AMPD2: variants seen among roughly 807,000 people sequenced by gnomAD.
The protein encoded by AMPD2 is AMP deaminase 2.
AMPD2 carries 52 observed loss-of-function variants against 91.3 expected under a neutral mutation model. The ratio of observed to expected loss-of-function variants is 0.57; its 90% CI spans 0.46 to 0.72. AMPD2 has a LOEUF of 0.72. Among genes scored for constraint, AMPD2 ranks in the 30% least tolerant of loss-of-function variants. The pLI is 0.00. For synonymous variants in AMPD2, 455 were observed against 456.4 expected (o/e 1.00, Z 0.04); for missense variants, 822 against 1,122.3 (o/e 0.73, Z 3.82).
intron 9 of AMPD2, 38 bp downstream of exon 9, chr1:109,627,556 C>T (rs764479114): frequency 1.9e-6 from 3 of 1,609,106 alleles, no homozygotes; most frequent in Non-Finnish European, 2.6e-6. Context: ...AGCTCCCCTC[C>T]CAGCCCAGAT....
At chr1:109,620,819 T>G in intron 1 of AMPD2, 95 bp from the exon 2 acceptor site, 1 of 1,352,884 alleles carries the variant, frequency 7.4e-7, no homozygotes, top group Non-Finnish European at 9.5e-7. Context: ...AGCCCTGGCA[T>G]GATGGGGTGA....
Position 109,631,000 on chromosome 1 carries a change from A to G in AMPD2, c.2326A>G (p.Ile776Val), listed in dbSNP as rs1253988115. Residue 776 changes from isoleucine (I) to valine (V), a missense_variant, in exon 19 of 19, where the codon ATC becomes GTC. Transcript: ENST00000528667. Reference sequence around the variant, plus strand: ...CAAGGAAGGCCCTGAGGGGAATGACATCCGCCGGACCAATGTGCCAGACAT... The same window carrying G: ...CAAGGAAGGCCCTGAGGGGAATGACGTCCGCCGGACCAATGTGCCAGACAT... ...YTKEGPEGNDIRRTNVPDIRV... is the reference protein window; with the variant it reads ...YTKEGPEGNDVRRTNVPDIRV... 6.2e-7 allele frequency: 1 copy of G among 1,614,172 alleles called. No homozygotes were observed. The highest frequency in any genetic ancestry group is 2.2e-5 in the East Asian group (1 of 44,872).
chr1:109,621,368 T>C, intron 2 of AMPD2, 102 bp downstream of exon 2: 1 of 1,092,772 alleles, frequency 9.2e-7, no homozygotes, highest in Non-Finnish European at 1.2e-6. Flanking sequence ...TCCTCCGGCA[T>C]CCTCTCTGTG....
rs750791840 is a variant in AMPD2, at chr1:109,629,899, G to A, written c.1966G>A (p.Gly656Arg). ...AFMLAENISH[G>R]LLLRKAPVLQ... ...CATGCTGGCTGAGAACATTTCCCAC[G>A]GGCTCCTTCTGCGCAAGGTCAGGAT... The change falls in exon 16 of 19, where the codon GGG (glycine) becomes AGG (arginine). Residue 656 changes from glycine to arginine, a missense_variant. Physicochemically the swap from Gly to Arg is moderately radical, Grantham distance 125. This residue lies in a region of AMPD2 where 430 missense variants were observed against 606.0 expected (regional missense o/e 0.71). Coordinates refer to ENST00000528667, the MANE Select transcript of AMPD2 (RefSeq NM_001368809.2). The A allele has an allele frequency of 3.7e-6, 6 of 1,609,506 alleles. No individual in the cohort carries two copies. The highest frequency in any genetic ancestry group is 3.4e-5 in the Admixed American group (2 of 59,502).
Position 109,628,206 on chromosome 1 carries a change from C to G in AMPD2, c.1204C>G (p.Leu402Val), listed in dbSNP as rs1650880383. The change falls in exon 11 of 19, where the codon CTG (leucine) becomes GTG (valine). Residue 402 changes from leucine (L) to valine (V), a missense_variant. Transcript: ENST00000528667. The surrounding 1 kb of genome is among the most constrained non-coding windows in gnomAD (Gnocchi z 7.1). The stretch of plus-strand genomic sequence containing the variant: ...CGTGGAGCAGGGCCGTGAACAGACG[C>G]TGCGGGAGGTCTTTGAGAGCATGAA... ...VHVEQGREQT[L>V]REVFESMNLT... 6.2e-7 allele frequency: 1 copy of G among 1,614,052 alleles called. No homozygotes were observed. Among genetic ancestry groups the G allele is most frequent in the Non-Finnish European group, 8.5e-7 (1 of 1,180,032 alleles).
Position 109,629,154 on chromosome 1 carries a change from G to A in AMPD2, c.1617G>A (p.Met539Ile). 6.2e-7 allele frequency: 1 copy of A among 1,614,080 alleles called. No homozygotes were observed. Among genetic ancestry groups the A allele is most frequent in the Non-Finnish European group, 8.5e-7 (1 of 1,180,004 alleles). Residue 539 changes from methionine to isoleucine, a missense_variant, in exon 14 of 19, where the codon ATG (methionine) becomes ATA (isoleucine). This residue lies in a region of AMPD2 where 430 missense variants were observed against 606.0 expected (regional missense o/e 0.71). Coordinates refer to ENST00000528667, the MANE Select transcript of AMPD2 (RefSeq NM_001368809.2). Reference protein sequence around the residue: ...TKGQLANFQEMLENIFLPLFE... With the variant: ...TKGQLANFQEILENIFLPLFE... The stretch of plus-strand genomic sequence containing the variant: ...GCCAGCTGGCCAACTTCCAGGAGAT[G>A]CTGGAGAACATCTTCCTGCCACTGT...
At position 109,627,344 on chromosome 1, in the gene AMPD2, G is replaced by A. The variant is rs569409760; in HGVS notation, c.860+28G>A. Reference sequence around the variant, plus strand: ...AAGAGGGGTGTGGTGCATGTTGGGGGGATGCAGCGTGGGAGGTTGCGTTGG... The same window carrying A: ...AAGAGGGGTGTGGTGCATGTTGGGGAGATGCAGCGTGGGAGGTTGCGTTGG... On this transcript the variant is annotated intron_variant, in intron 8 of 18. Transcript: ENST00000528667. 8.7e-6 allele frequency: 14 copies of A among 1,611,134 alleles called. No homozygotes were observed. In the South Asian group the frequency reaches 1.3e-4, roughly 15 times the overall value.
Position 109,630,807 on chromosome 1 carries a change from T to C in AMPD2, c.2268+14T>C. ...TTCTCGCACAAGGTACTACAGCGCC[T>C]GCCTGGACCTTGGCATGGCATCACT... is the stretch of plus-strand genomic sequence containing the variant. On this transcript the variant is annotated intron_variant, in intron 18 of 18. Coordinates refer to ENST00000528667, the MANE Select transcript of AMPD2 (RefSeq NM_001368809.2). The C allele has an allele frequency of 6.2e-7, 1 of 1,601,110 alleles. No individual in the cohort carries two copies. Among genetic ancestry groups the C allele is most frequent in the Non-Finnish European group, 8.5e-7 (1 of 1,173,668 alleles).
At position 109,621,005 on chromosome 1, in the gene AMPD2, C is replaced by T; in HGVS notation, c.-171C>T. 6.3e-7 allele frequency: 1 copy of T among 1,576,940 alleles called. No homozygotes were observed. The highest frequency in any genetic ancestry group is 8.6e-7 in the Non-Finnish European group (1 of 1,160,882). On this transcript the variant is annotated 5_prime_UTR_variant, in exon 2 of 19. Transcript: ENST00000528667. Reference sequence around the variant, plus strand: ...TGGAGGCCCCACTCCCCGAGGTTGCCTAGACAACATGAGAAATCGTGGCCA... The same window carrying T: ...TGGAGGCCCCACTCCCCGAGGTTGCTTAGACAACATGAGAAATCGTGGCCA...
rs1328917695 is a variant in AMPD2, at chr1:109,627,981, C to T, written c.1080+78C>T. The T allele has an allele frequency of 5.0e-6, 8 of 1,605,520 alleles. No individual in the cohort carries two copies. In the African/African-American group the frequency reaches 8.0e-5, roughly 16 times the overall value. ...AGCCTCCCCTTCAAGGGCCAGGCCCCCCACACAGCATCCAGTACAGAGGGT... is the reference window on the plus strand; with the variant it reads ...AGCCTCCCCTTCAAGGGCCAGGCCCTCCACACAGCATCCAGTACAGAGGGT... On this transcript the variant is annotated intron_variant, in intron 10 of 18. Coordinates refer to ENST00000528667, the MANE Select transcript of AMPD2 (RefSeq NM_001368809.2).
In AMPD2 at chr1:109,630,233, G is replaced by A. The variant is rs1303662154; in HGVS notation, c.1984G>A (p.Ala662Thr). 6.2e-7 allele frequency: 1 copy of A among 1,611,818 alleles called. No individual in the cohort carries two copies. The highest frequency in any genetic ancestry group is 8.5e-7 in the Non-Finnish European group (1 of 1,180,004). The change falls in exon 17 of 19, where the codon GCC becomes ACC. Residue 662 changes from alanine (A) to threonine (T), a missense_variant and splice_region_variant. Physicochemically the swap from Ala to Thr is moderately conservative, Grantham distance 58. Coordinates refer to ENST00000528667, the MANE Select transcript of AMPD2 (RefSeq NM_001368809.2). Reference protein sequence around the residue: ...NISHGLLLRKAPVLQYLYYLA... With the variant: ...NISHGLLLRKTPVLQYLYYLA... ...CCCTCCCTCCCTGTTGCCTGCCCAG[G>A]CCCCCGTCCTGCAGTACCTGTACTA... is the stretch of plus-strand genomic sequence containing the variant.
rs757257769 is a variant in AMPD2 at position 109,627,439 on chromosome 1, G to A, written c.871G>A (p.Val291Met). The A allele has an allele frequency of 6.8e-6, 11 of 1,613,978 alleles. No homozygotes were observed. Among genetic ancestry groups the A allele is most frequent in the Middle Eastern group, 1.6e-4 (1 of 6,080 alleles). The change falls in exon 9 of 19, where the codon GTG becomes ATG. Residue 291 changes from valine to methionine, a missense_variant. By Grantham distance (21) the Val-to-Met change is conservative. Coordinates refer to ENST00000528667, the MANE Select transcript of AMPD2 (RefSeq NM_001368809.2). The part of the protein sequence containing the change: ...RREPDEHCSE[V>M]ELPYPDLQEF... ...TCCCCTCCATGCCAGTTGCTCAGAG[G>A]TGGAGCTGCCATACCCTGACCTGCA...
intron 7 of AMPD2, 73 bp from the exon 8 acceptor site, chr1:109,627,102 G>C: frequency 6.2e-7 from 1 of 1,601,688 alleles, no homozygotes; most frequent in Non-Finnish European, 8.5e-7. Context: ...CTTGCCCTCT[G>C]TGGGGCCTTT....
chr1:109,624,473 TGAA>T lies in AMPD2; in HGVS notation c.92-826_92-824del, dbSNP rs1269094585. ...GTACAGATGGAAAGTCTAGTCTTGA[TGAA>T]GAAAGACCCCTGGCTTCTGACACTC... On this transcript the variant is annotated intron_variant, in intron 2 of 18. Transcript: ENST00000528667. This position sits in a 1 kb window ranked among gnomAD's most constrained non-coding sequence, Gnocchi z 5.2. Among the ~76,000 whole-genome samples the T allele has an allele frequency of 6.6e-6, 1 of 152,268 alleles. No individual in the cohort carries two copies. The highest frequency in any genetic ancestry group is 1.9e-4 in the East Asian group (1 of 5,176).
Position 109,624,125 on chromosome 1 carries a change from CGGGGTCCTGGATCT to C in AMPD2, c.92-1173_92-1160del. On this transcript the variant is annotated intron_variant, in intron 2 of 18. Coordinates refer to ENST00000528667, the MANE Select transcript of AMPD2 (RefSeq NM_001368809.2). The surrounding 1 kb of genome is among the most constrained non-coding windows in gnomAD (Gnocchi z 5.2). ...GGCAGGGGCCGGGGTGCGCAGGGGA[CGGGGTCCTGGATCT>C]GGGGCAGGCCCCTCCCTCTTCCCTT... 1.0e-6 allele frequency: 1 copy of C among 968,574 alleles called. No individual in the cohort carries two copies. Among genetic ancestry groups the C allele is most frequent in the Non-Finnish European group, 1.2e-6 (1 of 814,530 alleles). 60.0% of individuals were successfully genotyped at this position (968,574 alleles called of 1,614,324 possible).
chr1:109,629,737 C>T, intron 15 of AMPD2, 59 bp from the exon 16 acceptor site: 1 of 1,537,538 alleles, frequency 6.5e-7, no homozygotes, highest in Non-Finnish European at 8.8e-7. Flanking sequence ...GGGTCAGGGG[C>T]TCCGGTGAGC....
chr1:109,626,753 G>A lies in AMPD2; in HGVS notation c.559G>A (p.Ala187Thr). The A allele has an allele frequency of 6.2e-7, 1 of 1,613,796 alleles. No homozygotes were observed. Among genetic ancestry groups the A allele is most frequent in the Non-Finnish European group, 8.5e-7 (1 of 1,179,812 alleles). The change falls in exon 7 of 19, where the codon GCC becomes ACC. Residue 187 changes from alanine to threonine, a missense_variant. Physicochemically the swap from Ala to Thr is moderately conservative, Grantham distance 58. Coordinates refer to ENST00000528667, the MANE Select transcript of AMPD2 (RefSeq NM_001368809.2). The part of the protein sequence containing the change: ...GVPFTDLLDA[A>T]KSVVRALFIR... ...GCCGTTCACAGACCTGCTGGATGCA[G>A]CCAAGAGTGTGGTGCGGGCGCTCTT... is the stretch of plus-strand genomic sequence containing the variant.
rs1228243675 is a variant in AMPD2 at position 109,621,004 on chromosome 1, C to G, written c.-172C>G. 1 of 1,575,634 alleles carries G rather than the reference C, an allele frequency of 6.3e-7. No homozygotes were observed. The highest frequency in any genetic ancestry group is 8.6e-7 in the Non-Finnish European group (1 of 1,160,192). On this transcript the variant is annotated 5_prime_UTR_variant, in exon 2 of 19. Coordinates refer to ENST00000528667, the MANE Select transcript of AMPD2 (RefSeq NM_001368809.2). ...ATGGAGGCCCCACTCCCCGAGGTTG[C>G]CTAGACAACATGAGAAATCGTGGCC...
Position 109,629,790 on chromosome 1 carries a change from C to T in AMPD2, c.1863-6C>T. On this transcript the variant is annotated splice_polypyrimidine_tract_variant and splice_region_variant and intron_variant, in intron 15 of 18. Transcript: ENST00000528667. ...CAGGAGCTGACACTGTCTTCATGTCCCCCAGGCAGAGGGGCTTCCACACGT... is the reference window on the plus strand; with the variant it reads ...CAGGAGCTGACACTGTCTTCATGTCTCCCAGGCAGAGGGGCTTCCACACGT... 1.9e-6 allele frequency: 3 copies of T among 1,587,652 alleles called. No individual in the cohort carries two copies. Among genetic ancestry groups the T allele is most frequent in the Non-Finnish European group, 1.7e-6 (2 of 1,164,098 alleles).
Sources: gnomAD v4.1 joint callset for allele counts (sites outside exome capture counted in the v4.1 genomes callset) on GRCh38, gnomAD v4.1.1 for gene constraint, gnomAD v4.1.1 regional missense constraint, Gnocchi (gnomAD v3.1) non-coding constraint, MANE v1.5 for transcripts, NCBI Gene and HGNC (gene_info 2026-07-23, HGNC 2026-07-21) for gene names.